WWOX: variants seen among roughly 807,000 people sequenced by gnomAD.
WWOX encodes WW domain containing oxidoreductase.
A neutral mutation model predicts 46.2 loss-of-function variants in WWOX; 69 were observed. The ratio of observed to expected loss-of-function variants is 1.49; its 90% CI spans 1.23 to 1.82. The LOEUF is 1.82. Among genes scored for constraint, WWOX ranks in the 40% most tolerant of loss-of-function variants. The probability of loss-of-function intolerance (pLI) is 0.00; values close to 1 mark genes in which losing one functional copy is unlikely to be tolerated. For synonymous variants in WWOX, 359 were observed against 202.6 expected (o/e 1.77, Z -6.56); for missense variants, 919 against 542.6 (o/e 1.69, Z -6.89).
chr16:78,279,982 C>T (rs1310030891), intron 5 of WWOX, among the ~76,000 whole-genome samples: 2 of 152,220 alleles, frequency 1.3e-5, no homozygotes, highest in Non-Finnish European at 2.9e-5. Flanking sequence ...TCAAATGAAT[C>T]CGTTTCCCCT....
chr16:78,787,708 G>T (rs1265199789), intron 8 of WWOX, among the ~76,000 whole-genome samples: 2 of 152,064 alleles, frequency 1.3e-5, no homozygotes, highest in African/African-American at 4.8e-5. Context: ...GGGTAATATG[G>T]CAATTTTATA....
chr16:78,303,546 G>C (rs1293688046), intron 5 of WWOX, among the ~76,000 whole-genome samples: 1 of 151,998 alleles, frequency 6.6e-6, no homozygotes, highest in Non-Finnish European at 1.5e-5. Flanking sequence ...TTTGTTGGTT[G>C]GTTTTTTGTT....
chr16:78,406,078 T>C (rs945230779), intron 6 of WWOX, among the ~76,000 whole-genome samples: 1 of 151,888 alleles, frequency 6.6e-6, no homozygotes, highest in African/African-American at 2.4e-5. Flanking sequence ...AAATCGCTCA[T>C]GTTTGTTCTT....
intron 8 of WWOX, among the ~76,000 whole-genome samples, chr16:78,647,364 C>G (rs1362213428): frequency 6.6e-6 from 1 of 152,188 alleles, no homozygotes; most frequent in Non-Finnish European, 1.5e-5. Flanking sequence ...CTCCTTCCAC[C>G]TGGGAGACTG....
intron 8 of WWOX, among the ~76,000 whole-genome samples, chr16:78,914,396 A>G (rs899320556): frequency 6.6e-6 from 1 of 152,080 alleles, no homozygotes; most frequent in Admixed American, 6.6e-5. Context: ...AGGTGAGTGA[A>G]TGAGGGAGTG....
chr16:78,443,694 C>A (rs74030257), intron 8 of WWOX, among the ~76,000 whole-genome samples: 3 of 152,124 alleles, frequency 2.0e-5, no homozygotes, highest in Admixed American at 1.3e-4. Context: ...TGCAATTCCC[C>A]TAGTTTTATC....
intron 5 of WWOX, among the ~76,000 whole-genome samples, chr16:78,292,529 C>A (rs2079876331): frequency 6.6e-6 from 1 of 152,040 alleles, no homozygotes; most frequent in Non-Finnish European, 1.5e-5. Flanking sequence ...ACATTACACC[C>A]ACATGCAGTA....
intron 8 of WWOX, among the ~76,000 whole-genome samples, chr16:78,651,183 C>T (rs932671751): frequency 1.3e-5 from 2 of 152,234 alleles, no homozygotes; most frequent in African/African-American, 4.8e-5. Flanking sequence ...ATCAAAGTAG[C>T]ACCACTGTAC....
Position 79,096,688 on chromosome 16 carries a change from T to C in WWOX, c.1057-114920T>C, listed in dbSNP as rs187447295. Reference sequence around the variant, plus strand: ...AGCACAATTTCCAGTTACTTACCCATTTTGCTTTCTCCCCGCTCTTTGAGA... The same window carrying C: ...AGCACAATTTCCAGTTACTTACCCACTTTGCTTTCTCCCCGCTCTTTGAGA... On this transcript the variant is annotated intron_variant, in intron 8 of 8. Coordinates refer to ENST00000566780, the MANE Select transcript of WWOX (RefSeq NM_016373.4). Among the ~76,000 whole-genome samples the C allele has an allele frequency of 2.2e-3, 333 of 152,302 alleles. 2 individuals are homozygous for C. The highest frequency in any genetic ancestry group is 7.7e-3 in the African/African-American group (319 of 41,572).
At chr16:78,655,874 G>T (rs1051812761) in intron 8 of WWOX, among the ~76,000 whole-genome samples, 5 of 152,188 alleles carry the variant, frequency 3.3e-5, no homozygotes, top group African/African-American at 4.8e-5. Context: ...GGCTGTCTGT[G>T]TGTGTTCCTT....
At chr16:78,228,339 CTTTTTTTT>C (rs34322106) in intron 5 of WWOX, among the ~76,000 whole-genome samples, 1 of 111,322 alleles carries the variant, frequency 9.0e-6, no homozygotes, top group South Asian at 3.0e-4. Context: ...CATATTCTCT[CTTTTTTTT>C]TTTTTTTTTT....
chr16:78,691,491 G>C (rs972412577), intron 8 of WWOX, among the ~76,000 whole-genome samples: 1 of 152,098 alleles, frequency 6.6e-6, no homozygotes, highest in African/African-American at 2.4e-5. Context: ...AGGATGGTTA[G>C]AGCCTAGGAG....
At chr16:78,688,978 C>T (rs1470077130) in intron 8 of WWOX, among the ~76,000 whole-genome samples, 1 of 152,178 alleles carries the variant, frequency 6.6e-6, no homozygotes, top group African/African-American at 2.4e-5. Context: ...TGTTTGCTTT[C>T]CCTTCCACCA....
At chr16:78,308,860 A>G (rs927479609) in intron 5 of WWOX, among the ~76,000 whole-genome samples, 13 of 152,200 alleles carry the variant, frequency 8.5e-5, no homozygotes, top group African/African-American at 2.9e-4. Context: ...ATTGCCAATC[A>G]GAAGATCCTT....
At chr16:78,864,107 T>C (rs1376544123) in intron 8 of WWOX, among the ~76,000 whole-genome samples, 1 of 152,202 alleles carries the variant, frequency 6.6e-6, no homozygotes, top group African/African-American at 2.4e-5. Context: ...CTTAGGGATA[T>C]GTATTTATAT....
chr16:78,538,427 G>T lies in WWOX; in HGVS notation c.1056+105675G>T, dbSNP rs144774219. ...TGCGTGGTGTGCAAGTTGAGGCCTG[G>T]TGTATGCACTTCGGCCACGGGCTTT... On this transcript the variant is annotated intron_variant, in intron 8 of 8. Coordinates refer to ENST00000566780, the MANE Select transcript of WWOX (RefSeq NM_016373.4). Among the ~76,000 whole-genome samples, 201 of 152,208 alleles carry T rather than the reference G, an allele frequency of 1.3e-3. No homozygotes were observed. In the Middle Eastern group the frequency reaches 0.017, roughly 13 times the overall value.
chr16:78,325,025 A>G (rs1375832795), intron 5 of WWOX, among the ~76,000 whole-genome samples: 3 of 152,072 alleles, frequency 2.0e-5, no homozygotes, highest in Admixed American at 2.0e-4. Context: ...GGGCACAAAA[A>G]CCCATTCCTC....
At chr16:78,723,305 TGGTCTCTTGCCTTGG>T (rs1408209785) in intron 8 of WWOX, among the ~76,000 whole-genome samples, 3 of 152,198 alleles carry the variant, frequency 2.0e-5, no homozygotes, top group Non-Finnish European at 2.9e-5. Flanking sequence ...TCATGAAGCA[TGGTCTCTTGCCTTGG>T]GGTCAGTGTC....
chr16:79,099,660 A>G (rs1389457090), intron 8 of WWOX, among the ~76,000 whole-genome samples: 1 of 152,032 alleles, frequency 6.6e-6, no homozygotes, highest in African/African-American at 2.4e-5. Flanking sequence ...AATTCAATTT[A>G]TTTCTGTTTT....
Sources: allele counts gnomAD v4.1 joint callset (sites outside exome capture counted in the v4.1 genomes callset), GRCh38; gene constraint gnomAD v4.1.1; transcripts MANE v1.5; gene names NCBI Gene and HGNC (gene_info 2026-07-23, HGNC 2026-07-21).